Variants in PLXNA4 observed in about 807,000 individuals in gnomAD.
The protein encoded by PLXNA4 is plexin-A4.
In PLXNA4, 44 loss-of-function variants were observed where a neutral mutation model predicts 191.8. That is an observed-to-expected ratio of 0.23 (90% CI 0.18 to 0.29). PLXNA4 has a LOEUF of 0.29. Among genes scored for constraint, PLXNA4 ranks in the 10% least tolerant of loss-of-function variants. The pLI is 1.00. For missense variants in PLXNA4, 1,800 were observed against 2,488.8 expected, an observed-to-expected ratio of 0.72 and a Z score of 5.89; for synonymous variants, 1,082 against 1,009.5, an observed-to-expected ratio of 1.07 and a Z score of -1.36.
At position 132,594,411 on chromosome 7, in the gene PLXNA4, A is replaced by G. The variant is rs944818076; in HGVS notation, c.-87+51517T>C. On this transcript the variant is annotated intron_variant, in intron 2 of 4. Transcript: ENST00000378539. ...CCCTGATCTCAGACTTCCAGCCTCC[A>G]GAACTGTGAAACAGTAGATTTCTGC... is the stretch of plus-strand genomic sequence containing the variant. Among the ~76,000 whole-genome samples the G allele has an allele frequency of 3.5e-4, 53 of 152,206 alleles. 2 individuals carry two copies. The highest frequency in any genetic ancestry group is 5.9e-5 in the Non-Finnish European group (4 of 68,030).
chr7:132,312,047 C>A (rs181368561), intron 3 of PLXNA4, among the ~76,000 whole-genome samples: 14 of 152,034 alleles, frequency 9.2e-5, no homozygotes, highest in Admixed American at 4.6e-4. Flanking sequence ...CTTTAAGCCA[C>A]CCCCGCCCTC....
rs17852614 is a variant in PLXNA4, at chr7:132,484,990, C to G, written c.1371+4302G>C. 0.012 allele frequency: 19,386 copies of G among 1,614,120 alleles called. 295 individuals are homozygous for G. The highest frequency in any genetic ancestry group is 0.07 in the African/African-American group (5,253 of 75,028). On this transcript the variant is annotated intron_variant, in intron 3 of 31. Transcript: ENST00000321063. ...CTCCAATCCACTCCTGGGTGATTCCCCCTTGTGGACCTGTGCCGAAGGACT... is the reference window on the plus strand; with the variant it reads ...CTCCAATCCACTCCTGGGTGATTCCGCCTTGTGGACCTGTGCCGAAGGACT...
intron 2 of PLXNA4, among the ~76,000 whole-genome samples, chr7:132,623,156 A>G (rs1244271052): frequency 3.9e-5 from 6 of 152,036 alleles, no homozygotes; most frequent in African/African-American, 1.2e-4. Flanking sequence ...CGTGCCCAAC[A>G]TGGTGAAACC....
intron 1 of PLXNA4, among the ~76,000 whole-genome samples, chr7:132,548,136 G>A (rs886868031): frequency 2.0e-5 from 3 of 152,164 alleles, no homozygotes; most frequent in African/African-American, 7.2e-5. Context: ...TCTCAAAAGA[G>A]TTTCTAGGAA....
intron 3 of PLXNA4, among the ~76,000 whole-genome samples, chr7:132,469,119 C>CAAAAAAAAAAAAAAAAAAA (rs5887577): frequency 1.1e-5 from 1 of 87,420 alleles, no homozygotes; most frequent in African/African-American, 4.3e-5. Flanking sequence ...GCACACCAAC[C>CAAAAAAAAAAAAAAAAAAA]AAAAAAAAAA....
At position 132,127,336 on chromosome 7, in the gene PLXNA4, C is replaced by T. The variant is rs1047772812; in HGVS notation, c.*3143G>A. On this transcript the variant is annotated 3_prime_UTR_variant, in exon 32 of 32. Coordinates refer to ENST00000321063, the MANE Select transcript of PLXNA4 (RefSeq NM_020911.2). ...AAATTAACTTTGCCTCGAGGGAGGC[C>T]GTGAAGGGGCCTCCATCCCACAGGA... is the stretch of plus-strand genomic sequence containing the variant. 1.3e-5 allele frequency: 2 copies of T among 151,978 alleles called. No individual in the cohort carries two copies. Among genetic ancestry groups the T allele is most frequent in the African/African-American group, 2.4e-5 (1 of 41,388 alleles). 9.4% of individuals were successfully genotyped at this position (151,978 alleles called of 1,614,324 possible).
chr7:132,351,357 T>C (rs986802868), intron 3 of PLXNA4, among the ~76,000 whole-genome samples: 1 of 152,224 alleles, frequency 6.6e-6, no homozygotes, highest in African/African-American at 2.4e-5. Context: ...ATTCAAAAAC[T>C]CTGCTTTTTA....
intron 3 of PLXNA4, among the ~76,000 whole-genome samples, chr7:132,340,970 C>A (rs1244253310): frequency 2.6e-5 from 4 of 152,180 alleles, no homozygotes; most frequent in Non-Finnish European, 5.9e-5. Flanking sequence ...TGAGTCACCA[C>A]ACTTGGCCTC....
At chr7:132,146,365 A>C in intron 28 of PLXNA4, 145 bp downstream of exon 28, 1 of 1,313,140 alleles carries the variant, frequency 7.6e-7, no homozygotes. Flanking sequence ...GGTACGGGGA[A>C]TGGTCAGCAG....
intron 3 of PLXNA4, among the ~76,000 whole-genome samples, chr7:132,337,845 C>T (rs1488415679): frequency 6.6e-6 from 1 of 152,150 alleles, no homozygotes; most frequent in African/African-American, 2.4e-5. Context: ...TTGGAGAAAA[C>T]AGAAAGCCAC....
At chr7:132,180,041 G>C in intron 19 of PLXNA4, 120 bp from the exon 20 acceptor site, 3 of 1,438,662 alleles carry the variant, frequency 2.1e-6, no homozygotes, top group Non-Finnish European at 1.8e-6. Flanking sequence ...CCAATCACTG[G>C]TGTCAAAATA....
intron 1 of PLXNA4, among the ~76,000 whole-genome samples, chr7:132,515,952 C>T (rs550118238): frequency 8.1e-4 from 123 of 152,302 alleles, no homozygotes; most frequent in African/African-American, 2.3e-3. Context: ...TATTGCCCCT[C>T]TTTTCTCCAG....
intron 3 of PLXNA4, among the ~76,000 whole-genome samples, chr7:132,336,342 C>A (rs1802815617): frequency 6.6e-6 from 1 of 152,154 alleles, no homozygotes; most frequent in Non-Finnish European, 1.5e-5. Flanking sequence ...CTGATCCAGG[C>A]AACACACATC....
chr7:132,384,723 C>T (rs182094235), intron 3 of PLXNA4: 2 of 1,035,064 alleles, frequency 1.9e-6, no homozygotes, highest in African/African-American at 3.5e-5. Flanking sequence ...TATGCACACA[C>T]ACCTTTAAAC....
rs778927545 is a variant in PLXNA4 at position 132,159,555 on chromosome 7, A to C, written c.4578T>G (p.Thr1526=). The change falls in exon 25 of 32, where the codon ACT becomes ACG. Residue 1526 remains threonine, a synonymous_variant. Transcript: ENST00000321063. ...PVKILNCDTI[T]QVKEKILDAI... ...CATCCAGAATCTTCTCCTTGACCTG[A>C]GTGATGGTGTCACAGTTGAGGATCT... is the stretch of plus-strand genomic sequence containing the variant. The C allele has an allele frequency of 1.6e-5, 26 of 1,614,000 alleles. No individual in the cohort carries two copies. Among genetic ancestry groups the C allele is most frequent in the Middle Eastern group, 1.6e-4 (1 of 6,062 alleles).
At chr7:132,526,718 AG>A (rs1260625692) in intron 1 of PLXNA4, among the ~76,000 whole-genome samples, 2 of 152,298 alleles carry the variant, frequency 1.3e-5, no homozygotes, top group East Asian at 3.9e-4. Flanking sequence ...TGGCTTCTCA[AG>A]AAGGAGGTGA....
intron 4 of PLXNA4, among the ~76,000 whole-genome samples, chr7:132,270,838 A>T (rs1246617561): frequency 6.6e-6 from 1 of 152,226 alleles, no homozygotes; most frequent in South Asian, 2.1e-4. Context: ...ACCATCTATG[A>T]CCAATATAAA....
intron 3 of PLXNA4, among the ~76,000 whole-genome samples, chr7:132,343,278 T>C (rs1168623804): frequency 1.3e-5 from 2 of 152,226 alleles, no homozygotes; most frequent in Non-Finnish European, 2.9e-5. Flanking sequence ...CATTTTTAAA[T>C]GTGTGGCCGA....
At chr7:132,306,960 A>G (rs1801546646) in intron 3 of PLXNA4, among the ~76,000 whole-genome samples, 1 of 152,178 alleles carries the variant, frequency 6.6e-6, no homozygotes. Flanking sequence ...ATGAGGTCTG[A>G]GTAACTTGGC....
Sources: allele counts gnomAD v4.1 joint callset (sites outside exome capture counted in the v4.1 genomes callset), GRCh38; gene constraint gnomAD v4.1.1; transcripts MANE v1.5; gene names NCBI Gene and HGNC (gene_info 2026-07-23, HGNC 2026-07-21).